TMEM181: variants seen among roughly 807,000 people sequenced by gnomAD.
The protein encoded by TMEM181 is G protein-coupled receptor 178.
A neutral mutation model predicts 71.9 loss-of-function variants in TMEM181; 39 were observed. The observed-to-expected ratio is 0.54, with a 90% CI of 0.42 to 0.71. The LOEUF is 0.71. Among genes scored for constraint, TMEM181 ranks in the 30% least tolerant of loss-of-function variants. The probability of loss-of-function intolerance (pLI) is 0.00; values close to 1 mark genes in which losing one functional copy is unlikely to be tolerated. For missense variants in TMEM181, 595 were observed against 583.0 expected, an observed-to-expected ratio of 1.02 and a Z score of -0.21; for synonymous variants, 245 against 228.8, an observed-to-expected ratio of 1.07 and a Z score of -0.64.
intron 3 of TMEM181, among the ~76,000 whole-genome samples, chr6:158,581,446 A>G (rs567644701): frequency 1.3e-5 from 2 of 152,248 alleles, no homozygotes; most frequent in East Asian, 3.9e-4. Context: ...TAAATGAAAA[A>G]TCCTTTAAAA....
intron 3 of TMEM181, among the ~76,000 whole-genome samples, chr6:158,583,596 C>T (rs10214750): frequency 0.14 from 21,520 of 152,116 alleles, 1,745 homozygotes; most frequent in African/African-American, 0.21. Flanking sequence ...GTCAGGAGAT[C>T]GAGACCATCC....
At chr6:158,615,311 C>T (rs912022797) in intron 10 of TMEM181, among the ~76,000 whole-genome samples, 1 of 152,220 alleles carries the variant, frequency 6.6e-6, no homozygotes, top group Non-Finnish European at 1.5e-5. Context: ...TGTTCATATC[C>T]TTCACCCACT....
At chr6:158,550,985 A>T (rs2128281180) in intron 1 of TMEM181, among the ~76,000 whole-genome samples, 1 of 144,756 alleles carries the variant, frequency 6.9e-6, no homozygotes, top group African/African-American at 2.6e-5. Flanking sequence ...TTTTTTAGAC[A>T]GAGTTTCTCT....
At chr6:158,546,710 G>C in intron 1 of TMEM181, among the ~76,000 whole-genome samples, 1 of 152,264 alleles carries the variant, frequency 6.6e-6, no homozygotes. Context: ...TGTAATCCCA[G>C]CACTTTGGGA....
upstream of TMEM181, among the ~76,000 whole-genome samples, chr6:158,557,661 G>A (rs1371569947): frequency 6.6e-6 from 1 of 152,086 alleles, no homozygotes; most frequent in Non-Finnish European, 1.5e-5. Context: ...GGGATTACAG[G>A]CACCCGCCAT....
In TMEM181 at chr6:158,608,640, C is replaced by A; in HGVS notation, c.805-19C>A. 2 of 1,600,338 alleles carry A rather than the reference C, an allele frequency of 1.2e-6. No individual in the cohort carries two copies. The highest frequency in any genetic ancestry group is 1.1e-5 in the South Asian group (1 of 88,086). On this transcript the variant is annotated intron_variant, in intron 9 of 16. Coordinates refer to ENST00000684151, the MANE Select transcript of TMEM181 (RefSeq NM_001376852.1). Reference sequence around the variant, plus strand: ...ATTTGGTTTTCTTTATTTCTTACTTCTTATTTTTTTCTTTTTAGGGAGAAA... The same window carrying A: ...ATTTGGTTTTCTTTATTTCTTACTTATTATTTTTTTCTTTTTAGGGAGAAA...
Position 158,632,053 on chromosome 6 carries a change from A to ATGTT in TMEM181, c.*167_*170dup. 1.5e-6 allele frequency: 1 copy of ATGTT among 670,696 alleles called. No homozygotes were observed. Among genetic ancestry groups the ATGTT allele is most frequent in the East Asian group, 2.8e-5 (1 of 36,096 alleles). 41.5% of individuals were successfully genotyped at this position (670,696 alleles called of 1,614,324 possible). A position where few individuals can be genotyped will look rare whatever the true frequency, so the allele number is the denominator to read the frequency against. On this transcript the variant is annotated 3_prime_UTR_variant, in exon 17 of 17. Coordinates refer to ENST00000684151, the MANE Select transcript of TMEM181 (RefSeq NM_001376852.1). ...AAACCAAAACTGAGGGTAAATTTAA[A>ATGTT]TGTTTAGCCAAATTTATTGTCATGG...
At chr6:158,605,129 AAAGTGTGT>A (rs1562302767) in intron 6 of TMEM181, 130 bp from the exon 7 acceptor site, 20 of 394,332 alleles carry the variant, frequency 5.1e-5, no homozygotes, top group Middle Eastern at 7.8e-4. Context: ...AAAAAAAAAA[AAAGTGTGT>A]GTGTGTGTGT....
chr6:158,607,468 A>G, intron 8 of TMEM181, 125 bp downstream of exon 8: 1 of 830,260 alleles, frequency 1.2e-6, no homozygotes, highest in Non-Finnish European at 2.0e-6. Flanking sequence ...GCTTGAAGCC[A>G]GGAGTTTAAC....
At chr6:158,608,928 T>C (rs967611747) in intron 10 of TMEM181, among the ~76,000 whole-genome samples, 178 bp downstream of exon 10, 13 of 152,058 alleles carry the variant, frequency 8.5e-5, no homozygotes, top group African/African-American at 3.1e-4. Flanking sequence ...TGACACCCCG[T>C]CTCTACCAAA....
intron 3 of TMEM181, among the ~76,000 whole-genome samples, chr6:158,582,655 G>T (rs551762002): frequency 1.3e-5 from 2 of 151,638 alleles, no homozygotes; most frequent in Non-Finnish European, 2.9e-5. Context: ...GACAGAGCAC[G>T]ACCCTGTCTT....
intron 1 of TMEM181, among the ~76,000 whole-genome samples, chr6:158,538,656 A>G (rs552039730): frequency 6.6e-6 from 1 of 152,246 alleles, no homozygotes; most frequent in Non-Finnish European, 1.5e-5. Flanking sequence ...AGGCGTTGTG[A>G]ATACAGCGGT....
At chr6:158,560,825 T>A (rs1330376825) in intron 1 of TMEM181, among the ~76,000 whole-genome samples, 1 of 152,054 alleles carries the variant, frequency 6.6e-6, no homozygotes, top group Non-Finnish European at 1.5e-5. Context: ...CTTTTTTTTT[T>A]TTCTTTACCT....
intron 1 of TMEM181, among the ~76,000 whole-genome samples, chr6:158,549,111 T>C (rs976041916): frequency 8.3e-3 from 9 of 1,082 alleles, no homozygotes; most frequent in Admixed American, 0.033. Flanking sequence ...TGCACACTTC[T>C]TTTTTTTTTT....
At chr6:158,547,452 G>A (rs59015728) in intron 1 of TMEM181, among the ~76,000 whole-genome samples, 2,050 of 152,094 alleles carry the variant, frequency 0.013, 49 homozygotes, top group African/African-American at 0.047. Context: ...CTGTCTTTTC[G>A]TCTCATCTGT....
At chr6:158,630,962 G>C (rs145925719) in intron 15 of TMEM181, among the ~76,000 whole-genome samples, 5 of 152,200 alleles carry the variant, frequency 3.3e-5, no homozygotes, top group Non-Finnish European at 7.3e-5. Flanking sequence ...CTCGCTGCAC[G>C]TCCAAGGACT....
intron 10 of TMEM181, among the ~76,000 whole-genome samples, chr6:158,622,898 C>G (rs866450231): frequency 2.0e-5 from 3 of 152,232 alleles, no homozygotes; most frequent in Non-Finnish European, 4.4e-5. Context: ...CACACACTTT[C>G]AAGCCCTATG....
Position 158,611,742 on chromosome 6 carries a change from C to G in TMEM181, c.896+2992C>G, listed in dbSNP as rs1785325163. Reference sequence around the variant, plus strand: ...GTAAGAGTTAAAGAAAGGAAAGAAACAGGAAAAGCGGCTCAACAGTCAAAG... The same window carrying G: ...GTAAGAGTTAAAGAAAGGAAAGAAAGAGGAAAAGCGGCTCAACAGTCAAAG... On this transcript the variant is annotated intron_variant, in intron 10 of 16. Transcript: ENST00000684151. The G allele has an allele frequency of 2.1e-5, 5 of 234,582 alleles. No homozygotes were observed. The Middle Eastern group carries it at 4.8e-3, about 227-fold the overall frequency. The allele number at this position is 234,582 out of a possible 1,614,324, so 14.5% of individuals were successfully genotyped here.
At chr6:158,591,261 C>T (rs1431518182) in intron 6 of TMEM181, among the ~76,000 whole-genome samples, 1 of 152,126 alleles carries the variant, frequency 6.6e-6, no homozygotes, top group Non-Finnish European at 1.5e-5. Context: ...GTGACCTCTG[C>T]ACCCCTCTGG....
Sources: gnomAD v4.1 joint callset for allele counts (sites outside exome capture counted in the v4.1 genomes callset) on GRCh38, gnomAD v4.1.1 for gene constraint, MANE v1.5 for transcripts, NCBI Gene and HGNC (gene_info 2026-07-23, HGNC 2026-07-21) for gene names.